The following DPH6 variants were observed in gnomAD, a reference collection of about 807,000 sequenced individuals.
DPH6 encodes the protein diphthine--ammonia ligase.
In DPH6, 33 loss-of-function variants were observed where a neutral mutation model predicts 38.2. That is an observed-to-expected ratio of 0.86 (90% CI 0.65 to 1.15). DPH6 has a LOEUF of 1.15. Ranked by LOEUF, DPH6 falls within the 50% of genes most tolerant of loss-of-function variation. DPH6 has a pLI of 0.00. For synonymous variants in DPH6, 108 were observed against 103.0 expected (o/e 1.05, Z -0.30); for missense variants, 325 against 320.0 (o/e 1.02, Z -0.12).
the DPH6 span, among the ~76,000 whole-genome samples, chr15:35,185,653 G>A: frequency 8.6e-5 from 13 of 151,330 alleles, no homozygotes; most frequent in African/African-American, 2.7e-4. Flanking sequence ...AAATTTTCGA[G>A]CGTAGAAGGT....
chr15:35,283,756 G>GCACACACACACACACA (rs757887783), intron 3 of DPH6, among the ~76,000 whole-genome samples: 17 of 123,652 alleles, frequency 1.4e-4, no homozygotes, highest in East Asian at 2.4e-4. Context: ...GGCACAGATA[G>GCACACACACACACACA]TACACACACA....
chr15:35,268,786 A>G (rs1192795504), intron 3 of DPH6, among the ~76,000 whole-genome samples: 1 of 152,016 alleles, frequency 6.6e-6, no homozygotes, highest in Non-Finnish European at 1.5e-5. Context: ...AGGACCAGGA[A>G]TTGGGCTTTG....
rs1032901620 is a variant in DPH6 at position 35,481,981 on chromosome 15, A to G, written c.313-27161T>C. Among the ~76,000 whole-genome samples, 3 of 152,332 alleles carry G rather than the reference A, an allele frequency of 2.0e-5. No homozygotes were observed. In the East Asian group the frequency reaches 5.8e-4, roughly 29 times the overall value. On this transcript the variant is annotated intron_variant, in intron 3 of 8. Coordinates refer to ENST00000256538, the MANE Select transcript of DPH6 (RefSeq NM_080650.4). Reference sequence around the variant, plus strand: ...ATCTGGAAACTGACCAAAGGTATAAACCAAATTAAGAAGTTATTAATGAAA... The same window carrying G: ...ATCTGGAAACTGACCAAAGGTATAAGCCAAATTAAGAAGTTATTAATGAAA...
the DPH6 span, among the ~76,000 whole-genome samples, chr15:35,189,718 T>A: frequency 6.6e-6 from 1 of 152,178 alleles, no homozygotes; most frequent in African/African-American, 2.4e-5. Context: ...ATAGACAGAT[T>A]AATGAAAGAA....
chr15:35,244,773 CATT>C (rs1456465792), intron 3 of DPH6, among the ~76,000 whole-genome samples: 2 of 152,140 alleles, frequency 1.3e-5, no homozygotes, highest in Non-Finnish European at 2.9e-5. Flanking sequence ...CTGAGTTACA[CATT>C]ATTAATAATA....
intron 3 of DPH6, among the ~76,000 whole-genome samples, chr15:35,485,296 G>T (rs1292412730): frequency 1.3e-5 from 2 of 152,156 alleles, no homozygotes; most frequent in Non-Finnish European, 2.9e-5. Context: ...TTGTGAAGGT[G>T]ATTGAGATCT....
In DPH6 at chr15:35,353,305, T is replaced by C. The variant is rs543706408; in HGVS notation, n.207+20216A>G. Among the ~76,000 whole-genome samples, 3 of 152,356 alleles carry C rather than the reference T, an allele frequency of 2.0e-5. No individual in the cohort carries two copies. In the East Asian group the frequency reaches 5.8e-4, roughly 29 times the overall value. ...TTAATTAGATCCCATTTGTCAATTT[T>C]GGCTTTTGTTGCCATTGCTTTTGGT... On this transcript the variant is annotated intron_variant and non_coding_transcript_variant, in intron 3 of 3. Transcript: ENST00000558973.
intron 3 of DPH6, among the ~76,000 whole-genome samples, chr15:35,267,423 C>T (rs1164267834): frequency 1.3e-5 from 2 of 152,212 alleles, no homozygotes. Context: ...TATTTTTTCA[C>T]CTATCAGGCA....
At chr15:35,392,135 C>T (rs548016676) in intron 6 of DPH6, among the ~76,000 whole-genome samples, 42 of 152,164 alleles carry the variant, frequency 2.8e-4, no homozygotes, top group African/African-American at 1.0e-3. Context: ...TGTAAGAATG[C>T]CTTGGGGTTT....
chr15:35,527,935 T>C (rs1232280770), intron 3 of DPH6, among the ~76,000 whole-genome samples: 5 of 152,138 alleles, frequency 3.3e-5, no homozygotes, highest in African/African-American at 9.7e-5. Context: ...TTATAGGGGA[T>C]GAGAGACTGG....
intron 3 of DPH6, among the ~76,000 whole-genome samples, chr15:35,262,503 A>C (rs1423575457): frequency 1.3e-5 from 2 of 152,144 alleles, no homozygotes; most frequent in African/African-American, 4.8e-5. Flanking sequence ...TCAGGAGATG[A>C]AGACCATCCT....
chr15:35,507,887 A>G (rs1469348877), intron 3 of DPH6, among the ~76,000 whole-genome samples: 3 of 152,114 alleles, frequency 2.0e-5, no homozygotes, highest in Non-Finnish European at 2.9e-5. Flanking sequence ...ACCCATATAT[A>G]TACACCTATA....
intron 3 of DPH6, among the ~76,000 whole-genome samples, chr15:35,360,773 T>C (rs2052607662): frequency 6.6e-6 from 1 of 151,580 alleles, no homozygotes; most frequent in Non-Finnish European, 1.5e-5. Flanking sequence ...TAGATGGGTG[T>C]GTCTCCCAGA....
intron 3 of DPH6, among the ~76,000 whole-genome samples, chr15:35,466,311 A>G (rs1566920536): frequency 6.6e-6 from 1 of 152,248 alleles, no homozygotes; most frequent in African/African-American, 2.4e-5. Context: ...TAAGGAAAAA[A>G]GTATATGGTT....
the DPH6 span, among the ~76,000 whole-genome samples, chr15:35,174,522 A>C: frequency 6.6e-6 from 1 of 152,210 alleles, no homozygotes; most frequent in Non-Finnish European, 1.5e-5. Flanking sequence ...TGGTCCTCTG[A>C]AACAAAAATA....
At chr15:35,503,182 T>C (rs893616577) in intron 3 of DPH6, among the ~76,000 whole-genome samples, 8 of 152,068 alleles carry the variant, frequency 5.3e-5, no homozygotes, top group East Asian at 1.9e-4. Context: ...GCTTTATTTA[T>C]ATATTCCATA....
At chr15:35,251,771 A>G (rs960888349) in intron 3 of DPH6, among the ~76,000 whole-genome samples, 5 of 152,242 alleles carry the variant, frequency 3.3e-5, no homozygotes, top group African/African-American at 1.2e-4. Flanking sequence ...TACATTCAGT[A>G]AACGCAAAGT....
the DPH6 span, among the ~76,000 whole-genome samples, chr15:35,195,495 G>T: frequency 1.5e-4 from 23 of 152,284 alleles, no homozygotes; most frequent in African/African-American, 2.4e-4. Flanking sequence ...AAGCAGGTCA[G>T]ATTCAAGCCT....
intron 3 of DPH6, among the ~76,000 whole-genome samples, chr15:35,323,249 A>T (rs1289176453): frequency 6.6e-6 from 1 of 152,168 alleles, no homozygotes; most frequent in South Asian, 2.1e-4. Context: ...GGCTTTAGAC[A>T]TGTCACTTTT....
Sources: allele counts gnomAD v4.1 joint callset (sites outside exome capture counted in the v4.1 genomes callset), GRCh38; gene constraint gnomAD v4.1.1; transcripts MANE v1.5; gene names NCBI Gene and HGNC (gene_info 2026-07-23, HGNC 2026-07-21).